Variants in TPP2 observed in about 807,000 individuals in gnomAD.
TPP2 encodes tripeptidyl peptidase 2, also known as tripeptidyl-peptidase 2.
A neutral mutation model predicts 155.9 loss-of-function variants in TPP2; 34 were observed. That is an observed-to-expected ratio of 0.22 (90% confidence interval 0.17 to 0.29). TPP2 has a LOEUF of 0.29. Ranked by LOEUF, TPP2 falls within the 10% of genes least tolerant of loss-of-function variation. TPP2 has a pLI of 1.00. For synonymous variants in TPP2, 510 were observed against 529.4 expected (o/e 0.96, Z 0.50); for missense variants, 1,028 against 1,522.3 (o/e 0.68, Z 5.40).
At chr13:102,661,964 A>C (rs562377733) in intron 25 of TPP2, among the ~76,000 whole-genome samples, 1 of 152,334 alleles carries the variant, frequency 6.6e-6, no homozygotes, top group East Asian at 1.9e-4. Flanking sequence ...TCACACAAAA[A>C]CATGTTGATG....
At chr13:102,625,200 T>C (rs1241189671) in intron 6 of TPP2, among the ~76,000 whole-genome samples, 39 of 125,018 alleles carry the variant, frequency 3.1e-4, no homozygotes, top group Non-Finnish European at 5.4e-4. Context: ...AGTCTCGCTC[T>C]GTCGCCCAGG....
At chr13:102,616,821 A>T (rs1217457904) in intron 4 of TPP2, among the ~76,000 whole-genome samples, 1 of 152,170 alleles carries the variant, frequency 6.6e-6, no homozygotes, top group Non-Finnish European at 1.5e-5. Flanking sequence ...CTTCCGAAAG[A>T]CAACCACCAC....
chr13:102,617,803 T>C (rs1396879601), intron 4 of TPP2, among the ~76,000 whole-genome samples: 1 of 152,198 alleles, frequency 6.6e-6, no homozygotes, highest in Non-Finnish European at 1.5e-5. Context: ...TTATGACTGC[T>C]CAACACTCCC....
rs1566356753 is a variant in TPP2 at position 102,649,487 on chromosome 13, G to C, written c.2952+1G>C. On this transcript the variant is annotated splice_donor_variant, in intron 23 of 29. Transcript: ENST00000376052. LOFTEE classifies it high-confidence loss of function. ...AAAGACTGAACTAGGAAAGAAAGCT[G>C]TAAGTATTAGTTTTTTAAACACTGA... The C allele has an allele frequency of 6.2e-7, 1 of 1,605,708 alleles. No individual in the cohort carries two copies. Among genetic ancestry groups the C allele is most frequent in the Non-Finnish European group, 8.5e-7 (1 of 1,177,000 alleles).
At chr13:102,616,271 A>G (rs1880715815) in intron 3 of TPP2, 125 bp from the exon 4 acceptor site, 1 of 727,420 alleles carries the variant, frequency 1.4e-6, no homozygotes, top group Non-Finnish European at 2.1e-6. Context: ...ATGATTTTTT[A>G]AAACCTCTCT....
chr13:102,602,326 A>G (rs1879493014), intron 1 of TPP2, among the ~76,000 whole-genome samples: 1 of 152,124 alleles, frequency 6.6e-6, no homozygotes, highest in Admixed American at 6.6e-5. Context: ...CAGAATCAGT[A>G]TCTGATTTAA....
At chr13:102,667,300 G>A (rs1272179726) in intron 27 of TPP2, among the ~76,000 whole-genome samples, 1 of 151,986 alleles carries the variant, frequency 6.6e-6, no homozygotes, top group African/African-American at 2.4e-5. Flanking sequence ...CAATTAAGTT[G>A]CTTCCTAAAA....
intron 8 of TPP2, 23 bp from the exon 9 acceptor site, chr13:102,629,459 C>A: frequency 6.8e-7 from 1 of 1,473,590 alleles, no homozygotes. Context: ...ATTATATGTT[C>A]AAAGGAATTC....
Position 102,640,330 on chromosome 13 carries a change from A to C in TPP2, c.1974A>C (p.Gln658His). The change falls in exon 16 of 30, where the codon CAA becomes CAC. Residue 658 changes from glutamine to histidine, a missense_variant. Around this residue, in one of 7 missense-constraint regions of TPP2, gnomAD observed 325 missense variants for 463.7 expected, o/e 0.70. Coordinates refer to ENST00000376052, the MANE Select transcript of TPP2 (RefSeq NM_001330588.2). ...CAGATGTACACTTTAAACCTGGTCA[A>C]ATTCGAAGGCATTTTATTGAGGTTC... ...AFTDVHFKPGQIRRHFIEVPE... is the reference protein window; with the variant it reads ...AFTDVHFKPGHIRRHFIEVPE... 1 of 1,613,716 alleles carries C rather than the reference A, an allele frequency of 6.2e-7. No homozygotes were observed. Among genetic ancestry groups the C allele is most frequent in the Non-Finnish European group, 8.5e-7 (1 of 1,179,760 alleles).
chr13:102,610,353 C>T (rs1880189716), intron 2 of TPP2, among the ~76,000 whole-genome samples: 1 of 151,998 alleles, frequency 6.6e-6, no homozygotes, highest in Non-Finnish European at 1.5e-5. Context: ...CTCAGCCTCC[C>T]AAGTCGCTGG....
At chr13:102,645,793 C>A (rs1595183667) in intron 19 of TPP2, among the ~76,000 whole-genome samples, 1 of 152,172 alleles carries the variant, frequency 6.6e-6, no homozygotes, top group East Asian at 1.9e-4. Flanking sequence ...AAAATCTGTA[C>A]ATTAGCAACT....
chr13:102,610,233 T>G (rs1414244721), intron 2 of TPP2, among the ~76,000 whole-genome samples: 3 of 152,154 alleles, frequency 2.0e-5, no homozygotes, highest in Admixed American at 2.0e-4. Flanking sequence ...ATTTATTTAT[T>G]CATTTATTTA....
intron 25 of TPP2, 46 bp from the exon 26 acceptor site, chr13:102,663,602 T>C: frequency 7.2e-7 from 1 of 1,390,536 alleles, no homozygotes. Flanking sequence ...CAAATAGTCT[T>C]TTTAAAAGAA....
chr13:102,676,246 T>C, intron 28 of TPP2, 50 bp from the exon 29 acceptor site: 1 of 1,473,322 alleles, frequency 6.8e-7, no homozygotes, highest in South Asian at 1.3e-5. Flanking sequence ...GCTAATGCCT[T>C]AAAATGTAAA....
intron 8 of TPP2, among the ~76,000 whole-genome samples, chr13:102,628,567 T>G (rs1009413316): frequency 6.6e-6 from 1 of 152,184 alleles, no homozygotes; most frequent in African/African-American, 2.4e-5. Context: ...CCTCGTTGGC[T>G]TCATTGTCTT....
intron 8 of TPP2, 119 bp downstream of exon 8, chr13:102,628,043 G>T (rs766628558): frequency 1.3e-6 from 1 of 784,928 alleles, no homozygotes; most frequent in Non-Finnish European, 2.1e-6. Context: ...GTGGTTAGAT[G>T]ATAACTGTGT....
chr13:102,673,912 G>C (rs577289504), intron 27 of TPP2, among the ~76,000 whole-genome samples: 2 of 152,256 alleles, frequency 1.3e-5, no homozygotes, highest in African/African-American at 4.8e-5. Context: ...TATACACATA[G>C]ACAAATGTGT....
intron 27 of TPP2, among the ~76,000 whole-genome samples, chr13:102,667,479 A>AT (rs1884685154): frequency 6.6e-6 from 1 of 152,238 alleles, no homozygotes; most frequent in African/African-American, 2.4e-5. Flanking sequence ...CAGATAGGAA[A>AT]TTATTAAGAG....
At chr13:102,616,564 G>T in intron 4 of TPP2, 64 bp downstream of exon 4, 1 of 1,292,138 alleles carries the variant, frequency 7.7e-7, no homozygotes, top group South Asian at 1.7e-5. Context: ...AGTTTCTACA[G>T]AACTAATAGA....
Sources: allele counts gnomAD v4.1 joint callset (sites outside exome capture counted in the v4.1 genomes callset), GRCh38; gene constraint gnomAD v4.1.1; regional missense constraint gnomAD v4.1.1; transcripts MANE v1.5; gene names NCBI Gene and HGNC (gene_info 2026-07-23, HGNC 2026-07-21).